Variants in CSMD1 observed in about 807,000 individuals in gnomAD.
CSMD1 encodes the protein CUB and sushi domain-containing protein 1.
In CSMD1, 213 loss-of-function variants were observed where a neutral mutation model predicts 417.5. That is an observed-to-expected ratio of 0.51 (90% CI 0.46 to 0.57). The LOEUF is 0.57. CSMD1 is among the 20% of genes least tolerant of loss of function. CSMD1 has a pLI of 0.00. For synonymous variants in CSMD1, 2,862 were observed against 1,736.8 expected (o/e 1.65, Z -16.11); for missense variants, 6,923 against 4,529.7 (o/e 1.53, Z -15.17).
chr8:4,928,241 G>C (rs904820406), intron 1 of CSMD1, among the ~76,000 whole-genome samples: 2 of 152,060 alleles, frequency 1.3e-5, no homozygotes, highest in African/African-American at 2.4e-5. Flanking sequence ...GCTTCCACTG[G>C]ATCTCAGCTC....
chr8:3,675,139 G>C (rs970689343), intron 7 of CSMD1, among the ~76,000 whole-genome samples: 7 of 152,076 alleles, frequency 4.6e-5, no homozygotes, highest in Admixed American at 6.6e-5. Flanking sequence ...TCCCATCATG[G>C]CTCAAGTGCC....
chr8:3,920,187 G>C (rs1809133350), intron 5 of CSMD1, among the ~76,000 whole-genome samples: 1 of 151,990 alleles, frequency 6.6e-6, no homozygotes, highest in South Asian at 2.1e-4. Flanking sequence ...GTGTGTGCCA[G>C]CATATCTGGC....
At chr8:4,658,626 T>C (rs1019187398) in intron 1 of CSMD1, among the ~76,000 whole-genome samples, 4 of 152,028 alleles carry the variant, frequency 2.6e-5, no homozygotes, top group African/African-American at 7.2e-5. Context: ...GTATCCACAA[T>C]GAAATAAAAA....
At chr8:4,399,364 T>G (rs571118089) in intron 3 of CSMD1, among the ~76,000 whole-genome samples, 1 of 152,296 alleles carries the variant, frequency 6.6e-6, no homozygotes, top group Non-Finnish European at 1.5e-5. Flanking sequence ...AATTACAGAA[T>G]AAAATAATTA....
chr8:3,782,214 G>C (rs545203215), intron 5 of CSMD1, among the ~76,000 whole-genome samples: 2 of 152,112 alleles, frequency 1.3e-5, no homozygotes, highest in Non-Finnish European at 1.5e-5. Context: ...GTGCGGCATA[G>C]GACAGAATCT....
chr8:4,905,967 C>G (rs980461306), intron 1 of CSMD1, among the ~76,000 whole-genome samples: 15 of 152,228 alleles, frequency 9.9e-5, no homozygotes, highest in African/African-American at 3.6e-4. Context: ...TTCTTCCTGC[C>G]TTCAAATACT....
chr8:3,127,898 T>TGAAGGAAGGGAGGAAGGAAG (rs1817590985), intron 41 of CSMD1: 1 of 90,114 alleles, frequency 1.1e-5, no homozygotes, highest in Non-Finnish European at 2.2e-5. Context: ...GAGGGAGGAA[T>TGAAGGAAGGGAGGAAGGAAG]GAAGGAAGGA....
intron 25 of CSMD1, among the ~76,000 whole-genome samples, chr8:3,296,257 A>G (rs1337830271): frequency 6.6e-6 from 1 of 151,610 alleles, no homozygotes; most frequent in Non-Finnish European, 1.5e-5. Context: ...TGTTTGTCGC[A>G]TCCTGTGAGA....
chr8:4,602,589 G>C (rs1231013358), intron 2 of CSMD1, among the ~76,000 whole-genome samples: 1 of 152,158 alleles, frequency 6.6e-6, no homozygotes. Context: ...GTGCCTACAA[G>C]TAAAGAAATA....
intron 1 of CSMD1, among the ~76,000 whole-genome samples, chr8:4,974,964 G>A (rs769911579): frequency 1.3e-3 from 198 of 152,292 alleles, no homozygotes; most frequent in Non-Finnish European, 2.1e-3. Context: ...ATAGATTCAA[G>A]TCGAAATTTT....
At chr8:4,851,234 G>C (rs963592300) in intron 1 of CSMD1, among the ~76,000 whole-genome samples, 1 of 151,726 alleles carries the variant, frequency 6.6e-6, no homozygotes, top group Non-Finnish European at 1.5e-5. Flanking sequence ...TGCTGAGAAT[G>C]ATGGTTTCCA....
At chr8:4,105,232 G>C (rs1032065273) in intron 3 of CSMD1, among the ~76,000 whole-genome samples, 1 of 152,040 alleles carries the variant, frequency 6.6e-6, no homozygotes, top group Non-Finnish European at 1.5e-5. Context: ...TAACGTCAAA[G>C]GAAACCCTAA....
intron 52 of CSMD1, among the ~76,000 whole-genome samples, chr8:3,002,108 T>C (rs937563421): frequency 1.3e-5 from 2 of 152,170 alleles, no homozygotes; most frequent in African/African-American, 2.4e-5. Context: ...TGGCAGGTAT[T>C]CCAGTCAATC....
intron 51 of CSMD1, among the ~76,000 whole-genome samples, chr8:3,019,674 C>T (rs546958197): frequency 1.3e-5 from 2 of 152,272 alleles, no homozygotes; most frequent in Admixed American, 6.5e-5. Flanking sequence ...TTACACCTGC[C>T]GTCTTAGCAC....
chr8:4,584,994 A>T (rs1388540255), intron 2 of CSMD1, among the ~76,000 whole-genome samples: 2 of 151,996 alleles, frequency 1.3e-5, no homozygotes, highest in Non-Finnish European at 2.9e-5. Context: ...TCAAACCTCA[A>T]CCAGACTCTC....
chr8:3,294,583 ATGAG>A (rs1803823512), intron 25 of CSMD1, among the ~76,000 whole-genome samples: 1 of 152,072 alleles, frequency 6.6e-6, no homozygotes, highest in African/African-American at 2.4e-5. Context: ...TGTGCTAGCA[ATGAG>A]TGAGGCTCCG....
At chr8:2,963,658 A>G (rs1285623870) in intron 59 of CSMD1, among the ~76,000 whole-genome samples, 1 of 152,198 alleles carries the variant, frequency 6.6e-6, no homozygotes, top group Non-Finnish European at 1.5e-5. Context: ...CATTCCCAAT[A>G]TATACAAGGC....
chr8:3,807,306 A>G (rs1006138910), intron 5 of CSMD1, among the ~76,000 whole-genome samples: 2 of 152,212 alleles, frequency 1.3e-5, no homozygotes, highest in African/African-American at 4.8e-5. Flanking sequence ...GCAAAATAAA[A>G]TACAGTATCT....
intron 5 of CSMD1, among the ~76,000 whole-genome samples, chr8:3,826,641 C>A (rs892189695): frequency 1.3e-5 from 2 of 152,158 alleles, no homozygotes; most frequent in Non-Finnish European, 1.5e-5. Flanking sequence ...TCTGGATTCT[C>A]TGTTTATCTG....
Sources: gnomAD v4.1 joint callset for allele counts (sites outside exome capture counted in the v4.1 genomes callset) on GRCh38, gnomAD v4.1.1 for gene constraint, MANE v1.5 for transcripts, NCBI Gene and HGNC (gene_info 2026-07-23, HGNC 2026-07-21) for gene names.